PTPRQ: variants seen among roughly 807,000 people sequenced by gnomAD.
PTPRQ encodes phosphatidylinositol phosphatase PTPRQ.
A neutral mutation model predicts 246.0 loss-of-function variants in PTPRQ; 199 were observed. The ratio of observed to expected loss-of-function variants is 0.81; its 90% confidence interval spans 0.72 to 0.91. PTPRQ has a LOEUF of 0.91. Among genes scored for constraint, PTPRQ ranks in the 40% least tolerant of loss-of-function variants. The pLI, the probability that PTPRQ is intolerant of heterozygous loss-of-function variation, is 0.00. For missense variants in PTPRQ, 2,624 were observed against 2,528.4 expected, an observed-to-expected ratio of 1.04 and a Z score of -0.81; for synonymous variants, 869 against 853.2, an observed-to-expected ratio of 1.02 and a Z score of -0.32.
At chr12:80,499,451 T>C (rs1213726544) in intron 14 of PTPRQ, among the ~76,000 whole-genome samples, 2 of 151,972 alleles carry the variant, frequency 1.3e-5, no homozygotes, top group Non-Finnish European at 2.9e-5. Context: ...AAATGTTAGG[T>C]AGGGTCTCAA....
At chr12:80,566,824 G>A (rs776909150) in intron 25 of PTPRQ, among the ~76,000 whole-genome samples, 3 of 152,166 alleles carry the variant, frequency 2.0e-5, no homozygotes, top group South Asian at 2.1e-4. Flanking sequence ...ACAGGCATGA[G>A]ACACTGTGAC....
intron 9 of PTPRQ, 65 bp downstream of exon 9, chr12:80,484,670 G>A: frequency 6.6e-7 from 1 of 1,514,354 alleles, no homozygotes; most frequent in Non-Finnish European, 8.8e-7. Flanking sequence ...TGATAGCTTG[G>A]AAGATTTGCT....
chr12:80,590,408 C>T (rs1897754584), intron 26 of PTPRQ, among the ~76,000 whole-genome samples: 1 of 152,052 alleles, frequency 6.6e-6, no homozygotes, highest in African/African-American at 2.4e-5. Context: ...TGGTTCATGC[C>T]TGTAATCCCT....
At chr12:80,558,138 C>CTTTTCTTTTCTTTTCTTTTCTTTTT in intron 25 of PTPRQ, among the ~76,000 whole-genome samples, 1 of 108,192 alleles carries the variant, frequency 9.2e-6, no homozygotes, top group Non-Finnish European at 1.7e-5. Flanking sequence ...CTTTTCTTTT[C>CTTTTCTTTTCTTTTCTTTTCTTTTT]TTTTCTTTTC....
chr12:80,522,860 G>C (rs1895548437), intron 17 of PTPRQ, among the ~76,000 whole-genome samples: 1 of 152,108 alleles, frequency 6.6e-6, no homozygotes, highest in African/African-American at 2.4e-5. Flanking sequence ...TTTGGTATCA[G>C]GATGATGCTG....
intron 24 of PTPRQ, among the ~76,000 whole-genome samples, chr12:80,548,455 A>T (rs763071558): frequency 1.3e-5 from 2 of 152,144 alleles, no homozygotes; most frequent in African/African-American, 4.8e-5. Context: ...AAATTTTTTA[A>T]TGCCACATAT....
At position 80,506,554 on chromosome 12, in the gene PTPRQ, T is replaced by C. The variant is rs1379028641; in HGVS notation, c.2456-15T>C. 3 of 1,490,230 alleles carry C rather than the reference T, an allele frequency of 2.0e-6. 1 individual carries two copies. The South Asian group carries it at 3.9e-5, about 20-fold the overall frequency. 92.3% of individuals were successfully genotyped at this position (1,490,230 alleles called of 1,614,324 possible). A position where few individuals can be genotyped will look rare whatever the true frequency, so the allele number is the denominator to read the frequency against. On this transcript the variant is annotated splice_polypyrimidine_tract_variant and intron_variant, in intron 15 of 44. Transcript: ENST00000644991. Reference sequence around the variant, plus strand: ...ATTTTGTAAGTTTCAACTTACCTATTTGATTTCTCTTTAGTACTGAAGAAA... The same window carrying C: ...ATTTTGTAAGTTTCAACTTACCTATCTGATTTCTCTTTAGTACTGAAGAAA...
At chr12:80,491,885 G>A (rs769185611) in intron 9 of PTPRQ, among the ~76,000 whole-genome samples, 36 of 151,636 alleles carry the variant, frequency 2.4e-4, no homozygotes, top group Non-Finnish European at 1.3e-4. Flanking sequence ...TTAAAAGACA[G>A]ATATACCAAA....
intron 3 of PTPRQ, among the ~76,000 whole-genome samples, chr12:80,455,026 A>T (rs1892927233): frequency 6.6e-6 from 1 of 152,156 alleles, no homozygotes; most frequent in Admixed American, 6.5e-5. Context: ...ACAAGAAATT[A>T]GCTGGGCATG....
rs76178811 is a variant in PTPRQ, at chr12:80,539,938, C to A, written c.3148C>A (p.Gln1050Lys). ...SSDIIEVYTD[Q>K]DIPEGFVGNL... is the part of the protein sequence containing the mutation. Reference sequence around the variant, plus strand: ...TGACATCATTGAAGTATACACAGATCAAGACAGTATGTAAACAAAAAACAC... The same window carrying A: ...TGACATCATTGAAGTATACACAGATAAAGACAGTATGTAAACAAAAAACAC... Residue 1050 changes from glutamine (Q) to lysine (K), a missense_variant, in exon 20 of 45, where the codon CAA becomes AAA. Coordinates refer to ENST00000644991, the MANE Select transcript of PTPRQ (RefSeq NM_001145026.2). 541 of 1,514,526 alleles carry A rather than the reference C, an allele frequency of 3.6e-4. No homozygotes were observed. The highest frequency in any genetic ancestry group is 6.7e-4 in the Admixed American group (30 of 44,952). The allele number at this position is 1,514,526 out of a possible 1,614,324, so 93.8% of individuals were successfully genotyped here.
At chr12:80,563,860 A>G (rs953617018) in intron 25 of PTPRQ, among the ~76,000 whole-genome samples, 4 of 152,100 alleles carry the variant, frequency 2.6e-5, no homozygotes, top group Non-Finnish European at 5.9e-5. Flanking sequence ...TCACTGTATG[A>G]TGGTTCGGTG....
At chr12:80,491,576 G>A (rs769958213) in intron 9 of PTPRQ, among the ~76,000 whole-genome samples, 3 of 151,902 alleles carry the variant, frequency 2.0e-5, no homozygotes, top group Non-Finnish European at 4.4e-5. Flanking sequence ...TTTCATGACA[G>A]CACTTTTCTG....
intron 14 of PTPRQ, among the ~76,000 whole-genome samples, chr12:80,505,422 A>C (rs1036360344): frequency 1.3e-5 from 2 of 151,920 alleles, no homozygotes; most frequent in Non-Finnish European, 2.9e-5. Context: ...ATTTTACCGG[A>C]ATTAGAATCT....
Position 80,546,603 on chromosome 12 carries a change from A to G in PTPRQ, c.3921A>G (p.Pro1307=). Residue 1307 remains proline, a synonymous_variant, in exon 24 of 45, where the codon CCA becomes CCG. Transcript: ENST00000644991. ...AAGCCAAACTTGTTGGACTGGAACC[A>G]GTCAGCACCTACTCTATCCGTGTAT... ...KTEAKLVGLE[P]VSTYSIRVSA... 2 of 1,550,948 alleles carry G rather than the reference A, an allele frequency of 1.3e-6. No homozygotes were observed. Among genetic ancestry groups the G allele is most frequent in the South Asian group, 2.4e-5 (2 of 83,778 alleles).
At chr12:80,465,757 CAT>C (rs1461999792) in intron 6 of PTPRQ, among the ~76,000 whole-genome samples, 3 of 152,104 alleles carry the variant, frequency 2.0e-5, no homozygotes, top group African/African-American at 7.2e-5. Flanking sequence ...ACAAAAACCA[CAT>C]GATTATCTCA....
At chr12:80,483,225 A>T (rs1053541283) in intron 8 of PTPRQ, among the ~76,000 whole-genome samples, 6 of 131,598 alleles carry the variant, frequency 4.6e-5, no homozygotes, top group Non-Finnish European at 8.1e-5. Context: ...TGTCCTTTGT[A>T]GGGACATGGA....
chr12:80,475,857 G>A (rs1893793746), intron 8 of PTPRQ, among the ~76,000 whole-genome samples: 1 of 151,944 alleles, frequency 6.6e-6, no homozygotes, highest in Admixed American at 6.6e-5. Flanking sequence ...AAAAAATAGT[G>A]TCTGCTACTA....
chr12:80,648,013 C>A (rs1297938063), intron 35 of PTPRQ, among the ~76,000 whole-genome samples: 1 of 152,042 alleles, frequency 6.6e-6, no homozygotes, highest in African/African-American at 2.4e-5. Context: ...ATCCTGTTTT[C>A]TTCATTGAAT....
At chr12:80,644,896 T>C (rs1169058400) in intron 35 of PTPRQ, among the ~76,000 whole-genome samples, 2 of 152,064 alleles carry the variant, frequency 1.3e-5, no homozygotes, top group South Asian at 2.1e-4. Context: ...GAAGGAAATA[T>C]CTAACTTTTA....
Sources: allele counts gnomAD v4.1 joint callset (sites outside exome capture counted in the v4.1 genomes callset), GRCh38; gene constraint gnomAD v4.1.1; transcripts MANE v1.5; gene names NCBI Gene and HGNC (gene_info 2026-07-23, HGNC 2026-07-21).